Variants in RSRC1 observed in about 807,000 individuals in gnomAD.
The protein encoded by RSRC1 is serine/Arginine-related protein 53.
Under a neutral mutation model 49.1 loss-of-function variants are expected in RSRC1, and 39 were observed. The observed-to-expected ratio is 0.79, with a 90% CI of 0.61 to 1.04. RSRC1 has a LOEUF of 1.04. Among genes scored for constraint, RSRC1 ranks in the 50% least tolerant of loss-of-function variants. RSRC1 has a pLI of 0.00. For synonymous variants in RSRC1, 143 were observed against 130.8 expected (o/e 1.09, Z -0.63); for missense variants, 388 against 402.4 (o/e 0.96, Z 0.31).
chr3:158,230,833 ATT>A (rs1329134921), intron 4 of RSRC1, among the ~76,000 whole-genome samples: 1 of 152,154 alleles, frequency 6.6e-6, no homozygotes, highest in Non-Finnish European at 1.5e-5. Flanking sequence ...TCTTAGATAA[ATT>A]GTAAATTATG....
At chr3:158,164,128 G>A (rs1718402486) in intron 3 of RSRC1, among the ~76,000 whole-genome samples, 4 of 152,146 alleles carry the variant, frequency 2.6e-5, no homozygotes. Flanking sequence ...TTTCTTCTCT[G>A]AATTTTGCCT....
At chr3:158,366,659 A>T (rs1451119488) in intron 6 of RSRC1, among the ~76,000 whole-genome samples, 1 of 152,098 alleles carries the variant, frequency 6.6e-6, no homozygotes, top group African/African-American at 2.4e-5. Context: ...TATGAACTTT[A>T]AAGTAGTTTT....
rs77772989 is a variant in RSRC1 at position 158,343,077 on chromosome 3, A to G, written c.532-11780A>G. The stretch of plus-strand genomic sequence containing the variant: ...GTGCCCCTTGAGTATTTAGCAGACT[A>G]CTAATCAGTACATGCATAAGAGGAA... On this transcript the variant is annotated intron_variant, in intron 5 of 9. Coordinates refer to ENST00000611884, the MANE Select transcript of RSRC1 (RefSeq NM_001271838.2). Among the ~76,000 whole-genome samples, 1,401 of 152,338 alleles carry G rather than the reference A, an allele frequency of 9.2e-3. 30 individuals carry two copies. Among genetic ancestry groups the G allele is most frequent in the African/African-American group, 0.032 (1,339 of 41,568 alleles).
At chr3:158,393,689 A>G (rs1470123350) in intron 6 of RSRC1, among the ~76,000 whole-genome samples, 1 of 152,094 alleles carries the variant, frequency 6.6e-6, no homozygotes, top group African/African-American at 2.4e-5. Context: ...ACCAACCAGA[A>G]AAGGCCCAGG....
At chr3:158,198,009 G>A (rs1351096466) in intron 3 of RSRC1, among the ~76,000 whole-genome samples, 3 of 152,038 alleles carry the variant, frequency 2.0e-5, no homozygotes, top group Non-Finnish European at 2.9e-5. Context: ...TATTAGGTCG[G>A]CTTGGTGCAG....
At chr3:158,134,718 C>T (rs1716254610) in intron 3 of RSRC1, among the ~76,000 whole-genome samples, 1 of 152,066 alleles carries the variant, frequency 6.6e-6, no homozygotes, top group Admixed American at 6.6e-5. Flanking sequence ...GAAGAACTTT[C>T]TTTTGCTTTC....
At chr3:158,486,536 A>G (rs1245877328) in intron 7 of RSRC1, among the ~76,000 whole-genome samples, 1 of 152,188 alleles carries the variant, frequency 6.6e-6, no homozygotes, top group Non-Finnish European at 1.5e-5. Context: ...ATGCTGGTAG[A>G]CTGCTTGTGA....
chr3:158,530,715 G>A (rs574027423), intron 7 of RSRC1, among the ~76,000 whole-genome samples: 40 of 151,538 alleles, frequency 2.6e-4, no homozygotes, highest in Admixed American at 1.8e-3. Context: ...CAACACTCTT[G>A]AACCACTTGC....
At chr3:158,187,854 A>G (rs559172621) in intron 3 of RSRC1, among the ~76,000 whole-genome samples, 1 of 152,014 alleles carries the variant, frequency 6.6e-6, no homozygotes, top group African/African-American at 2.4e-5. Context: ...GTGTAGGCTT[A>G]TATGGATTAG....
chr3:158,164,429 T>C (rs1480685466), intron 3 of RSRC1, among the ~76,000 whole-genome samples: 1 of 152,088 alleles, frequency 6.6e-6, no homozygotes, highest in Non-Finnish European at 1.5e-5. Context: ...CTTTTTGTGC[T>C]TCCAAACTAT....
intron 5 of RSRC1, among the ~76,000 whole-genome samples, chr3:158,320,586 T>C (rs1291515582): frequency 1.3e-5 from 2 of 152,200 alleles, no homozygotes; most frequent in Admixed American, 6.5e-5. Context: ...ACTTTACTGC[T>C]ATTCACAACA....
chr3:158,532,930 A>G (rs1430090012), intron 7 of RSRC1, among the ~76,000 whole-genome samples: 4 of 151,804 alleles, frequency 2.6e-5, no homozygotes, highest in Non-Finnish European at 5.9e-5. Context: ...CATATAAACC[A>G]TAACTCATTT....
intron 7 of RSRC1, among the ~76,000 whole-genome samples, chr3:158,480,077 C>G (rs1187558038): frequency 1.3e-5 from 2 of 151,984 alleles, no homozygotes; most frequent in South Asian, 4.1e-4. Flanking sequence ...GCATAGAAAA[C>G]TACATGGGGA....
intron 3 of RSRC1, among the ~76,000 whole-genome samples, chr3:158,147,559 TG>T (rs1458160545): frequency 2.6e-5 from 4 of 152,154 alleles, no homozygotes; most frequent in African/African-American, 9.6e-5. Flanking sequence ...AATTTATCTT[TG>T]ACCTCAAAGT....
At chr3:158,212,832 G>T (rs1482397890) in intron 4 of RSRC1, among the ~76,000 whole-genome samples, 1 of 151,944 alleles carries the variant, frequency 6.6e-6, no homozygotes, top group African/African-American at 2.4e-5. Flanking sequence ...ACTCATTACA[G>T]TTCTAATTTA....
At chr3:158,375,323 G>A (rs1238098744) in intron 6 of RSRC1, among the ~76,000 whole-genome samples, 1 of 151,190 alleles carries the variant, frequency 6.6e-6, no homozygotes, top group Non-Finnish European at 1.5e-5. Flanking sequence ...CAACCCTCCT[G>A]GGTAGCTGGG....
intron 6 of RSRC1, among the ~76,000 whole-genome samples, chr3:158,356,378 A>G (rs1451387465): frequency 6.6e-6 from 1 of 152,072 alleles, no homozygotes; most frequent in Admixed American, 6.5e-5. Flanking sequence ...TAAAGTGTCC[A>G]CAGTCTAAAG....
intron 4 of RSRC1, among the ~76,000 whole-genome samples, chr3:158,279,234 C>T (rs933280460): frequency 9.8e-5 from 15 of 152,298 alleles, no homozygotes; most frequent in Admixed American, 3.3e-4. Context: ...ATGAGAGTGC[C>T]ATCCGTGATT....
intron 3 of RSRC1, among the ~76,000 whole-genome samples, chr3:158,185,109 T>C (rs1407497269): frequency 6.6e-6 from 1 of 152,010 alleles, no homozygotes; most frequent in Non-Finnish European, 1.5e-5. Context: ...AGAAAACATG[T>C]TGATACTTTT....
Sources: gnomAD v4.1 joint callset for allele counts (sites outside exome capture counted in the v4.1 genomes callset) on GRCh38, gnomAD v4.1.1 for gene constraint, MANE v1.5 for transcripts, NCBI Gene and HGNC (gene_info 2026-07-23, HGNC 2026-07-21) for gene names.